The following SERINC3 variants were observed in gnomAD, a reference collection of about 807,000 sequenced individuals.
SERINC3 encodes the protein serine incorporator 3, also known as tumor differentially expressed protein 1.
Under a neutral mutation model 52.1 loss-of-function variants are expected in SERINC3, and 22 were observed. The observed-to-expected ratio is 0.42, with a 90% CI of 0.30 to 0.60. The LOEUF (loss-of-function observed/expected upper bound fraction) is 0.60, where lower values mean the gene tolerates loss of function less well. SERINC3 is among the 20% of genes least tolerant of loss of function. The probability of loss-of-function intolerance (pLI) is 0.16; values close to 1 mark genes in which losing one functional copy is unlikely to be tolerated. For missense variants in SERINC3, 564 were observed against 584.6 expected (o/e 0.96, Z 0.36); for synonymous variants, 226 against 212.7 (o/e 1.06, Z -0.54).
intron 5 of SERINC3, among the ~76,000 whole-genome samples, chr20:44,507,262 C>A (rs1021209804): frequency 1.3e-5 from 2 of 152,204 alleles, no homozygotes; most frequent in Non-Finnish European, 2.9e-5. Flanking sequence ...GACATTTGAT[C>A]ATTCCAGCTA....
chr20:44,496,803 A>G (rs2064251757), downstream of SERINC3, among the ~76,000 whole-genome samples: 1 of 152,198 alleles, frequency 6.6e-6, no homozygotes, highest in Admixed American at 6.5e-5. Context: ...AAAAAAAGAA[A>G]AAAGAACCAG....
intron 8 of SERINC3, among the ~76,000 whole-genome samples, chr20:44,502,784 A>G (rs997731895): frequency 6.6e-6 from 1 of 151,736 alleles, no homozygotes. Context: ...TTTTATAGAG[A>G]CGGGCTCTTA....
At chr20:44,496,717 A>G (rs2064251294), downstream of SERINC3, among the ~76,000 whole-genome samples, 1 of 152,070 alleles carries the variant, frequency 6.6e-6, no homozygotes. Context: ...TTGCTTGAAC[A>G]TGGGAGGTGG....
intron 4 of SERINC3, among the ~76,000 whole-genome samples, chr20:44,510,672 C>T (rs1191086230): frequency 6.6e-6 from 1 of 151,880 alleles, no homozygotes; most frequent in Non-Finnish European, 1.5e-5. Context: ...ATTAGCTGGG[C>T]GTGGTGGTGG....
intron 7 of SERINC3, 107 bp from the exon 8 acceptor site, chr20:44,504,102 A>G: frequency 1.1e-6 from 1 of 874,630 alleles, no homozygotes. Context: ...GAAACATGGG[A>G]ATGCTTTACT....
rs1791986303 is a variant in SERINC3, at chr20:44,498,788, C to T, written c.*1508G>A. The T allele has an allele frequency of 6.6e-6, 1 of 152,090 alleles. No homozygotes were observed. The highest frequency in any genetic ancestry group is 6.6e-5 in the Admixed American group (1 of 15,254). 9.4% of individuals were successfully genotyped at this position (152,090 alleles called of 1,614,324 possible). ...ACACTATGAATATGTTTTCAGCCAC[C>T]CTCAACATAAGGTCCAAACTCTTTA... On this transcript the variant is annotated 3_prime_UTR_variant, in exon 10 of 10. Transcript: ENST00000342374.
rs1201897563 is a variant in SERINC3 at position 44,503,968 on chromosome 20, C to T, written c.902G>A (p.Ser301Asn). The change falls in exon 8 of 10, where the codon AGC becomes AAC. Residue 301 changes from serine (S) to asparagine (N), a missense_variant. Coordinates refer to ENST00000342374, the MANE Select transcript of SERINC3 (RefSeq NM_006811.4). The stretch of plus-strand genomic sequence containing the variant: ...TGGTGCAGTTATGCGTGTAATAAAG[C>T]TCATCAGGTTGGGATTGCAGGAACG... ...PDRSCNPNLM[S>N]FITRITAPTL... The T allele has an allele frequency of 6.3e-7, 1 of 1,593,888 alleles. No homozygotes were observed. The highest frequency in any genetic ancestry group is 8.5e-7 in the Non-Finnish European group (1 of 1,173,970).
intron 8 of SERINC3, among the ~76,000 whole-genome samples, chr20:44,502,913 T>C (rs984383785): frequency 4.6e-5 from 7 of 152,146 alleles, no homozygotes; most frequent in African/African-American, 1.7e-4. Flanking sequence ...CATATCTCTA[T>C]ACACTAGCAA....
intron 1 of SERINC3, among the ~76,000 whole-genome samples, chr20:44,521,645 T>C (rs988779782): frequency 6.6e-6 from 1 of 152,230 alleles, no homozygotes; most frequent in Admixed American, 6.5e-5. Flanking sequence ...CAGAGGAACC[T>C]AGTCAGGAAG....
At position 44,501,095 on chromosome 20, in the gene SERINC3, T is replaced by C. The variant is rs920770542; in HGVS notation, c.1261A>G (p.Met421Val). ...MLCLASLYIM[M>V]TLTSWYSPDA... is the part of the protein sequence containing the mutation. ...TACCTGTACCAGCTGGTCAGGGTCA[T>C]CATGATGTACAAGGAAGCCAAGCAG... The change falls in exon 9 of 10, where the codon ATG becomes GTG. Residue 421 changes from methionine (M) to valine (V), a missense_variant. Coordinates refer to ENST00000342374, the MANE Select transcript of SERINC3 (RefSeq NM_006811.4). 2.5e-6 allele frequency: 4 copies of C among 1,613,968 alleles called. No homozygotes were observed. Among genetic ancestry groups the C allele is most frequent in the African/African-American group, 1.3e-5 (1 of 75,032 alleles).
chr20:44,501,306 A>G lies in SERINC3; in HGVS notation c.1056-6T>C. ...TATTAGTGGAAGTGCGGATGCTGGA[A>G]AGTGATCCCAAGGAAGACAAATCAG... On this transcript the variant is annotated splice_region_variant and splice_polypyrimidine_tract_variant and intron_variant, in intron 8 of 9. Coordinates refer to ENST00000342374, the MANE Select transcript of SERINC3 (RefSeq NM_006811.4). The G allele has an allele frequency of 1.2e-6, 2 of 1,611,864 alleles. No individual in the cohort carries two copies. Among genetic ancestry groups the G allele is most frequent in the Non-Finnish European group, 1.7e-6 (2 of 1,178,184 alleles).
At chr20:44,505,571 T>C (rs1427220700) in intron 6 of SERINC3, among the ~76,000 whole-genome samples, 1 of 152,176 alleles carries the variant, frequency 6.6e-6, no homozygotes, top group Non-Finnish European at 1.5e-5. Flanking sequence ...TCTGCCCGCC[T>C]TGGCCTCCCA....
Position 44,516,061 on chromosome 20 carries a change from T to C in SERINC3, c.40-2021A>G, listed in dbSNP as rs552618201. Among the ~76,000 whole-genome samples the C allele has an allele frequency of 1.7e-4, 26 of 152,176 alleles. No homozygotes were observed. In the East Asian group the frequency reaches 4.5e-3, roughly 26 times the overall value. ...GCTCACGCCTGTAATCCCAGCACTT[T>C]GGGAGGCCAAGGCAGGTGGACCACA... On this transcript the variant is annotated intron_variant, in intron 1 of 9. Transcript: ENST00000342374.
chr20:44,521,098 G>A (rs191499386), intron 1 of SERINC3, among the ~76,000 whole-genome samples: 1 of 152,348 alleles, frequency 6.6e-6, no homozygotes, highest in Admixed American at 6.5e-5. Context: ...CCACACATCA[G>A]GTGTCAAAAG....
Position 44,498,204 on chromosome 20 carries a change from A to G in SERINC3, c.*2092T>C, listed in dbSNP as rs1299099720. 6.6e-6 allele frequency: 1 copy of G among 152,222 alleles called. No homozygotes were observed. The highest frequency in any genetic ancestry group is 2.4e-5 in the African/African-American group (1 of 41,440). The allele number at this position is 152,222 out of a possible 1,614,324, so 9.4% of individuals were successfully genotyped here. On this transcript the variant is annotated 3_prime_UTR_variant, in exon 10 of 10. Coordinates refer to ENST00000342374, the MANE Select transcript of SERINC3 (RefSeq NM_006811.4). ...TGCCACCTGAATACGTGGAACCACC[A>G]TCCACCCAGCTGGTTAAACCAGAAT... is the stretch of plus-strand genomic sequence containing the variant.
chr20:44,509,756 C>A, intron 5 of SERINC3, 135 bp downstream of exon 5: 1 of 980,746 alleles, frequency 1.0e-6, no homozygotes, highest in Non-Finnish European at 1.6e-6. Flanking sequence ...TCTTGAACTC[C>A]TGGATTCAAG....
Position 44,500,233 on chromosome 20 carries a change from T to C in SERINC3, c.*63A>G. On this transcript the variant is annotated 3_prime_UTR_variant, in exon 10 of 10. Coordinates refer to ENST00000342374, the MANE Select transcript of SERINC3 (RefSeq NM_006811.4). Reference sequence around the variant, plus strand: ...TTTTAGTTGAAACAAACTTAAAAGGTATATGGGTTTTCGGTGAAGGAGACC... The same window carrying C: ...TTTTAGTTGAAACAAACTTAAAAGGCATATGGGTTTTCGGTGAAGGAGACC... The C allele has an allele frequency of 6.5e-7, 1 of 1,538,794 alleles. No individual in the cohort carries two copies.
At chr20:44,505,385 G>A (rs964166974) in intron 6 of SERINC3, among the ~76,000 whole-genome samples, 1 of 152,108 alleles carries the variant, frequency 6.6e-6, no homozygotes. Context: ...GAGTGCAGTG[G>A]TGCGATCTCA....
chr20:44,510,502 A>C (rs2064340439), intron 4 of SERINC3, among the ~76,000 whole-genome samples: 1 of 152,184 alleles, frequency 6.6e-6, no homozygotes, highest in Non-Finnish European at 1.5e-5. Context: ...ATGCCTCCTG[A>C]CCTAAATCCA....
Sources: allele counts gnomAD v4.1 joint callset (sites outside exome capture counted in the v4.1 genomes callset), GRCh38; gene constraint gnomAD v4.1.1; transcripts MANE v1.5; gene names NCBI Gene and HGNC (gene_info 2026-07-23, HGNC 2026-07-21).